SMC4: variants seen among roughly 807,000 people sequenced by gnomAD.
The protein encoded by SMC4 is structural maintenance of chromosomes 4.
A neutral mutation model predicts 145.6 loss-of-function variants in SMC4; 87 were observed. The ratio of observed to expected loss-of-function variants is 0.60; its 90% CI spans 0.50 to 0.71. The LOEUF is 0.71. Among genes scored for constraint, SMC4 ranks in the 30% least tolerant of loss-of-function variants. The probability of loss-of-function intolerance (pLI) is 0.00; values close to 1 mark genes in which losing one functional copy is unlikely to be tolerated. For synonymous variants in SMC4, 558 were observed against 500.7 expected (o/e 1.11, Z -1.53); for missense variants, 1,447 against 1,537.1 (o/e 0.94, Z 0.98).
chr3:160,423,293 A>C, intron 13 of SMC4, 132 bp from the exon 14 acceptor site: 1 of 694,142 alleles, frequency 1.4e-6, no homozygotes, highest in Non-Finnish European at 2.3e-6. Flanking sequence ...TTTAGGTCTA[A>C]TTTTAGAACC....
intron 8 of SMC4, 160 bp from the exon 9 acceptor site, chr3:160,414,207 A>G (rs1284476933): frequency 3.0e-6 from 2 of 677,272 alleles, no homozygotes; most frequent in South Asian, 3.0e-5. Flanking sequence ...TGCTTCTTCA[A>G]CTATGGGGAG....
At chr3:160,404,234 A>G (rs1480763371) in intron 4 of SMC4, 94 bp from the exon 5 acceptor site, 1 of 1,158,056 alleles carries the variant, frequency 8.6e-7, no homozygotes, top group Non-Finnish European at 1.2e-6. Context: ...TTTAATCCAT[A>G]GAATTAGTTT....
chr3:160,428,793 T>C lies in SMC4; in HGVS notation c.2646T>C (p.Ala882=). 6.3e-7 allele frequency: 1 copy of C among 1,595,108 alleles called. No homozygotes were observed. ...CTGAGAAAGCTGGTAAAGTAGAAGC[T>C]GAGGTTAAACGCTTACACAATACCA... ...AVAEKAGKVE[A]EVKRLHNTIV... The change falls in exon 18 of 24, where the codon GCT becomes GCC. Residue 882 remains alanine, a synonymous_variant. Coordinates refer to ENST00000357388, the MANE Select transcript of SMC4 (RefSeq NM_001002800.3).
chr3:160,416,432 T>TTA lies in SMC4; in HGVS notation c.1437+17_1437+18insTA. 4 of 1,424,700 alleles carry TTA rather than the reference T, an allele frequency of 2.8e-6. No homozygotes were observed. Among genetic ancestry groups the TTA allele is most frequent in the South Asian group, 3.3e-5 (2 of 61,212 alleles). The allele number at this position is 1,424,700 out of a possible 1,614,324, so 88.3% of individuals were successfully genotyped here. On this transcript the variant is annotated intron_variant, in intron 10 of 23. Coordinates refer to ENST00000357388, the MANE Select transcript of SMC4 (RefSeq NM_001002800.3). ...GAAAAAGAAGTAAGTTTTTTTTTTT[T>TTA]ATCAGTGTTTATTTTGGTGGCTTTT...
chr3:160,427,282 G>GTGC (rs1414452510), intron 17 of SMC4, among the ~76,000 whole-genome samples: 2 of 152,196 alleles, frequency 1.3e-5, no homozygotes, highest in Admixed American at 1.3e-4. Context: ...GAAAGTATGA[G>GTGC]TGCTAACCCA....
At position 160,416,432 on chromosome 3, in the gene SMC4, T is replaced by TA. The variant is rs769962291; in HGVS notation, c.1437+18dup. The TA allele has an allele frequency of 4.4e-5, 62 of 1,424,700 alleles. No homozygotes were observed. In the South Asian group the frequency reaches 4.4e-4, roughly 10 times the overall value. 88.3% of individuals were successfully genotyped at this position (1,424,700 alleles called of 1,614,324 possible). A position where few individuals can be genotyped will look rare whatever the true frequency, so the allele number is the denominator to read the frequency against. On this transcript the variant is annotated intron_variant, in intron 10 of 23. Coordinates refer to ENST00000357388, the MANE Select transcript of SMC4 (RefSeq NM_001002800.3). ...GAAAAAGAAGTAAGTTTTTTTTTTT[T>TA]ATCAGTGTTTATTTTGGTGGCTTTT...
chr3:160,411,848 C>T (rs1049072039), intron 5 of SMC4, 72 bp from the exon 6 acceptor site: 13 of 1,287,756 alleles, frequency 1.0e-5, no homozygotes, highest in African/African-American at 3.0e-5. Flanking sequence ...TATTTAACTG[C>T]TCCCAATTCT....
intron 12 of SMC4, 32 bp from the exon 13 acceptor site, chr3:160,420,708 A>C (rs2108484771): frequency 6.2e-7 from 1 of 1,602,014 alleles, no homozygotes; most frequent in Non-Finnish European, 8.5e-7. Flanking sequence ...TTTTCTGCCT[A>C]ACTCTTTTTT....
intron 18 of SMC4, 103 bp downstream of exon 18, chr3:160,429,045 AT>A (rs977123844): frequency 5.5e-5 from 55 of 991,622 alleles, no homozygotes; most frequent in Non-Finnish European, 7.1e-5. Flanking sequence ...CTTACTGTTA[AT>A]TTATTGAACC....
intron 13 of SMC4, 23 bp downstream of exon 13, chr3:160,420,924 C>G: frequency 6.4e-7 from 1 of 1,572,746 alleles, no homozygotes; most frequent in Non-Finnish European, 8.6e-7. Flanking sequence ...AATAACCTAC[C>G]TATAATTGGA....
chr3:160,420,621 T>A, intron 12 of SMC4, 119 bp from the exon 13 acceptor site: 1 of 993,078 alleles, frequency 1.0e-6, no homozygotes, highest in Non-Finnish European at 1.5e-6. Context: ...CCTTTTGTTC[T>A]CTTTAAAACC....
intron 23 of SMC4, 75 bp downstream of exon 23, chr3:160,433,284 T>G: frequency 9.7e-7 from 1 of 1,032,064 alleles, no homozygotes; most frequent in South Asian, 1.7e-5. Context: ...GAATTCTTTA[T>G]TTCTTACAAT....
In SMC4 at chr3:160,414,502, A is replaced by G. The variant is rs781272107; in HGVS notation, c.1257A>G (p.Gln419=). 1.2e-6 allele frequency: 2 copies of G among 1,611,260 alleles called. No individual in the cohort carries two copies. Among genetic ancestry groups the G allele is most frequent in the Non-Finnish European group, 1.7e-6 (2 of 1,179,172 alleles). ...SKAKKLEKQL[Q]KDKEKVEEFK... is the part of the protein sequence containing the mutation. ...CCAAAAAACTGGAGAAACAACTTCA[A>G]AAAGATAAAGAAAAGGTAGGTGTTA... Residue 419 remains glutamine (Q), a synonymous_variant, in exon 9 of 24, where the codon CAA becomes CAG. Coordinates refer to ENST00000357388, the MANE Select transcript of SMC4 (RefSeq NM_001002800.3).
At chr3:160,405,448 A>T (rs750061285) in intron 5 of SMC4, among the ~76,000 whole-genome samples, 1 of 152,092 alleles carries the variant, frequency 6.6e-6, no homozygotes, top group Non-Finnish European at 1.5e-5. Context: ...TGTGATGCAG[A>T]AATGACTGAA....
At chr3:160,410,713 TG>T (rs1434288256) in intron 5 of SMC4, among the ~76,000 whole-genome samples, 1 of 152,188 alleles carries the variant, frequency 6.6e-6, no homozygotes, top group Non-Finnish European at 1.5e-5. Context: ...TTTTGTCCAC[TG>T]TTATTGAATT....
At chr3:160,420,943 T>C (rs1284977964) in intron 13 of SMC4, 42 bp downstream of exon 13, 1 of 1,540,450 alleles carries the variant, frequency 6.5e-7, no homozygotes, top group African/African-American at 1.4e-5. Flanking sequence ...GAATTTTTTT[T>C]TTTTGAGACG....
chr3:160,414,236 A>G (rs762793864), intron 8 of SMC4, 131 bp from the exon 9 acceptor site: 1 of 760,658 alleles, frequency 1.3e-6, no homozygotes, highest in Admixed American at 2.0e-5. Flanking sequence ...TCTTGGAATA[A>G]GGAGAGTTTT....
chr3:160,434,113 A>G lies in SMC4; in HGVS notation c.*304A>G, dbSNP rs948943908. 1.3e-5 allele frequency: 3 copies of G among 225,170 alleles called. No individual in the cohort carries two copies. The highest frequency in any genetic ancestry group is 1.2e-4 in the Admixed American group (2 of 16,156). 13.9% of individuals were successfully genotyped at this position (225,170 alleles called of 1,614,324 possible). A position where few individuals can be genotyped will look rare whatever the true frequency, so the allele number is the denominator to read the frequency against. On this transcript the variant is annotated 3_prime_UTR_variant, in exon 24 of 24. Transcript: ENST00000357388. The stretch of plus-strand genomic sequence containing the variant: ...GCAAAGTCCTAAGCAAGGTTGTGCT[A>G]TCAAGGCTCAGCATACCTTCGTGGG...
intron 5 of SMC4, among the ~76,000 whole-genome samples, chr3:160,405,901 G>A (rs567688139): frequency 1.2e-4 from 19 of 152,080 alleles, no homozygotes; most frequent in African/African-American, 4.6e-4. Flanking sequence ...GCAGGAAATT[G>A]TACTTATGTT....
Sources: allele counts gnomAD v4.1 joint callset (sites outside exome capture counted in the v4.1 genomes callset), GRCh38; gene constraint gnomAD v4.1.1; transcripts MANE v1.5; gene names NCBI Gene and HGNC (gene_info 2026-07-23, HGNC 2026-07-21).